The following FBXO25 variants were observed in gnomAD, a reference collection of about 807,000 sequenced individuals.
FBXO25 encodes the protein F-box only protein 25.
In FBXO25, 45 loss-of-function variants were observed where a neutral mutation model predicts 51.9. The ratio of observed to expected loss-of-function variants is 0.87; its 90% CI spans 0.68 to 1.11. The LOEUF is 1.11. FBXO25 is among the 50% of genes most tolerant of loss of function. The pLI is 0.00. For synonymous variants in FBXO25, 199 were observed against 151.0 expected (o/e 1.32, Z -2.33); for missense variants, 507 against 428.5 (o/e 1.18, Z -1.62).
Position 477,746 on chromosome 8 carries a change from A to G in FBXO25, c.*8942A>G, listed in dbSNP as rs904596741. 1 of 152,286 alleles carries G rather than the reference A, an allele frequency of 6.6e-6. No individual in the cohort carries two copies. Among genetic ancestry groups the G allele is most frequent in the East Asian group, 1.9e-4 (1 of 5,198 alleles). The allele number at this position is 152,286 out of a possible 1,614,324, so 9.4% of individuals were successfully genotyped here. A position where few individuals can be genotyped will look rare whatever the true frequency, so the allele number is the denominator to read the frequency against. Reference sequence around the variant, plus strand: ...CACCAGTGCATGTGGCTGTGTTCCAAACTTTTTGGACAATAAAATCTGAAT... The same window carrying G: ...CACCAGTGCATGTGGCTGTGTTCCAGACTTTTTGGACAATAAAATCTGAAT... On this transcript the variant is annotated 3_prime_UTR_variant, in exon 10 of 10. Coordinates refer to ENST00000350302, the MANE Select transcript of FBXO25 (RefSeq NM_183420.2).
At chr8:425,426 C>A (rs1347139115) in intron 2 of FBXO25, among the ~76,000 whole-genome samples, 1 of 149,704 alleles carries the variant, frequency 6.7e-6, no homozygotes, top group Non-Finnish European at 1.5e-5. Flanking sequence ...TAATCAGATA[C>A]CTAGTGGTTT....
chr8:456,191 G>A (rs906004257), intron 7 of FBXO25, among the ~76,000 whole-genome samples: 2 of 152,176 alleles, frequency 1.3e-5, no homozygotes, highest in African/African-American at 4.8e-5. Context: ...TAATTTACTT[G>A]CACGTTATCT....
rs1252318910 is a variant in FBXO25, at chr8:477,113, G to T, written c.*8309G>T. The T allele has an allele frequency of 6.6e-6, 1 of 152,126 alleles. No individual in the cohort carries two copies. Among genetic ancestry groups the T allele is most frequent in the East Asian group, 1.9e-4 (1 of 5,202 alleles). The allele number at this position is 152,126 out of a possible 1,614,324, so 9.4% of individuals were successfully genotyped here. A position where few individuals can be genotyped will look rare whatever the true frequency, so the allele number is the denominator to read the frequency against. On this transcript the variant is annotated 3_prime_UTR_variant, in exon 10 of 10. Coordinates refer to ENST00000350302, the MANE Select transcript of FBXO25 (RefSeq NM_183420.2). ...ACTTTTCAGTTTTTTGTCTGTTACTGATTTCTAGTTTCATCCCACTGTGGC... is the reference window on the plus strand; with the variant it reads ...ACTTTTCAGTTTTTTGTCTGTTACTTATTTCTAGTTTCATCCCACTGTGGC...
At chr8:418,538 C>A (rs1201213352) in intron 2 of FBXO25, among the ~76,000 whole-genome samples, 6 of 151,870 alleles carry the variant, frequency 4.0e-5, no homozygotes, top group African/African-American at 7.3e-5. Flanking sequence ...CAGGGTTTCA[C>A]CATATTGACC....
chr8:452,692 T>TTCTC (rs1219511844), intron 7 of FBXO25, among the ~76,000 whole-genome samples: 2 of 151,982 alleles, frequency 1.3e-5, no homozygotes, highest in Non-Finnish European at 2.9e-5. Flanking sequence ...CAGCCTTTCT[T>TTCTC]GTCTGGCTGG....
intron 7 of FBXO25, among the ~76,000 whole-genome samples, chr8:452,058 G>A (rs1259243692): frequency 6.6e-6 from 1 of 152,170 alleles, no homozygotes; most frequent in East Asian, 1.9e-4. Flanking sequence ...TATCTTAGCG[G>A]TGTGCCTTAC....
intron 5 of FBXO25, among the ~76,000 whole-genome samples, chr8:448,414 C>T (rs192077732): frequency 8.5e-5 from 13 of 152,326 alleles, no homozygotes; most frequent in African/African-American, 2.9e-4. Flanking sequence ...CTTCAAATTT[C>T]TCCAAATTCT....
At position 474,463 on chromosome 8, in the gene FBXO25, G is replaced by T; in HGVS notation, c.*5659G>T. On this transcript the variant is annotated 3_prime_UTR_variant, in exon 10 of 10. Transcript: ENST00000350302. ...TGGCAATCCTATGTTTAATTTCTTA[G>T]GGCACTGCCATAAGTGTTTTACACG... is the stretch of plus-strand genomic sequence containing the variant. 3.3e-6 allele frequency: 1 copy of T among 307,028 alleles called. No homozygotes were observed. The highest frequency in any genetic ancestry group is 6.3e-6 in the Non-Finnish European group (1 of 159,194). The allele number at this position is 307,028 out of a possible 1,614,324, so 19.0% of individuals were successfully genotyped here.
chr8:445,474 G>A (rs1452585140), intron 5 of FBXO25, among the ~76,000 whole-genome samples: 1 of 152,180 alleles, frequency 6.6e-6, no homozygotes, highest in Non-Finnish European at 1.5e-5. Flanking sequence ...ACCCCAAAGA[G>A]ATTTTGGTCA....
chr8:417,233 G>C (rs1462531409), intron 2 of FBXO25, among the ~76,000 whole-genome samples: 1 of 152,216 alleles, frequency 6.6e-6, no homozygotes, highest in African/African-American at 2.4e-5. Context: ...GTGATGTGGG[G>C]AGTCAGGGGT....
rs933370734 is a variant in FBXO25, at chr8:463,129, C to G, written c.966C>G (p.His322Gln). The change falls in exon 9 of 10, where the codon CAC (histidine) becomes CAG (glutamine). Residue 322 changes from histidine to glutamine, a missense_variant. Coordinates refer to ENST00000350302, the MANE Select transcript of FBXO25 (RefSeq NM_183420.2). Reference protein sequence around the residue: ...QYGDTLHFCRHCSILFWKDSG... With the variant: ...QYGDTLHFCRQCSILFWKDSG... ...GAGACACACTGCATTTCTGTCGGCA[C>G]TGCAGCATTCTCTTTTGGAAGGTAC... The G allele has an allele frequency of 5.0e-6, 8 of 1,611,490 alleles. No homozygotes were observed. The highest frequency in any genetic ancestry group is 2.7e-5 in the African/African-American group (2 of 74,814).
intron 5 of FBXO25, among the ~76,000 whole-genome samples, chr8:448,833 G>A (rs1798895916): frequency 6.6e-6 from 1 of 152,196 alleles, no homozygotes; most frequent in South Asian, 2.1e-4. Flanking sequence ...ATCACAATGT[G>A]GAACAGTAAA....
At chr8:458,604 T>G (rs1392697825) in intron 8 of FBXO25, 53 bp downstream of exon 8, 2 of 1,568,858 alleles carry the variant, frequency 1.3e-6, no homozygotes, top group East Asian at 2.2e-5. Flanking sequence ...AGACTCTGCC[T>G]GGGGGCCATA....
Position 477,698 on chromosome 8 carries a change from G to A in FBXO25, c.*8894G>A, listed in dbSNP as rs1375457690. 6.6e-6 allele frequency: 1 copy of A among 150,920 alleles called. No homozygotes were observed. Among genetic ancestry groups the A allele is most frequent in the African/African-American group, 2.5e-5 (1 of 40,130 alleles). 9.3% of individuals were successfully genotyped at this position (150,920 alleles called of 1,614,324 possible). On this transcript the variant is annotated 3_prime_UTR_variant, in exon 10 of 10. Coordinates refer to ENST00000350302, the MANE Select transcript of FBXO25 (RefSeq NM_183420.2). ...TCTTGCCACTTGGCAGTAGTGGCAT[G>A]AAGCCGCCACCAGGGGGCCACGCAC... is the stretch of plus-strand genomic sequence containing the variant.
At chr8:428,584 A>T (rs1362411556) in intron 2 of FBXO25, among the ~76,000 whole-genome samples, 1 of 152,190 alleles carries the variant, frequency 6.6e-6, no homozygotes, top group Non-Finnish European at 1.5e-5. Context: ...TTAAATGTAC[A>T]GTTCAGTGGT....
At chr8:424,338 C>A (rs1797341244) in intron 2 of FBXO25, among the ~76,000 whole-genome samples, 1 of 152,250 alleles carries the variant, frequency 6.6e-6, no homozygotes, top group South Asian at 2.1e-4. Context: ...TCAATAGTTT[C>A]TCTTGCTGTG....
At position 430,249 on chromosome 8, in the gene FBXO25, C is replaced by G. The variant is rs1267558789; in HGVS notation, c.135-1092C>G. 1.3e-5 allele frequency among the ~76,000 whole-genome samples: 2 copies of G among 152,220 alleles called. 1 individual carries two copies. Among genetic ancestry groups the G allele is most frequent in the South Asian group, 4.1e-4 (2 of 4,826 alleles). ...CAGTATTTCAATCAATGATAACAAA[C>G]TGGTGTAAGACTAAATACAAAATAC... On this transcript the variant is annotated intron_variant, in intron 2 of 9. Coordinates refer to ENST00000350302, the MANE Select transcript of FBXO25 (RefSeq NM_183420.2).
At chr8:467,602 A>G (rs571446708) in intron 9 of FBXO25, 99 of 1,030,756 alleles carry the variant, frequency 9.6e-5, no homozygotes, top group Middle Eastern at 2.1e-4. Context: ...ATTTTCGTAA[A>G]TAATATGAAT....
In FBXO25 at chr8:477,469, A is replaced by G. The variant is rs969539308; in HGVS notation, c.*8665A>G. The G allele has an allele frequency of 6.6e-6, 1 of 152,194 alleles. No individual in the cohort carries two copies. Among genetic ancestry groups the G allele is most frequent in the Non-Finnish European group, 1.5e-5 (1 of 68,042 alleles). 9.4% of individuals were successfully genotyped at this position (152,194 alleles called of 1,614,324 possible). ...GGTGCATATATATTACATCTTGGTG[A>G]ATTTTCAAACTTTTTAAATTTCAAC... On this transcript the variant is annotated 3_prime_UTR_variant, in exon 10 of 10. Coordinates refer to ENST00000350302, the MANE Select transcript of FBXO25 (RefSeq NM_183420.2).
Sources: allele counts gnomAD v4.1 joint callset (sites outside exome capture counted in the v4.1 genomes callset), GRCh38; gene constraint gnomAD v4.1.1; transcripts MANE v1.5; gene names NCBI Gene and HGNC (gene_info 2026-07-23, HGNC 2026-07-21).